PLCL1: variants seen among roughly 807,000 people sequenced by gnomAD.
PLCL1 encodes the protein inactive phospholipase C-like protein 1.
In PLCL1, 41 loss-of-function variants were observed where a neutral mutation model predicts 84.4. That is an observed-to-expected ratio of 0.49 (90% CI 0.38 to 0.63). The LOEUF (loss-of-function observed/expected upper bound fraction) is 0.63, where lower values mean the gene tolerates loss of function less well. Ranked by LOEUF, PLCL1 falls within the 30% of genes least tolerant of loss-of-function variation. The pLI, the probability that PLCL1 is intolerant of heterozygous loss-of-function variation, is 0.00. For missense variants in PLCL1, 1,206 were observed against 1,367.8 expected, an observed-to-expected ratio of 0.88 and a Z score of 1.87; for synonymous variants, 490 against 488.3, an observed-to-expected ratio of 1.00 and a Z score of -0.05.
At chr2:198,107,627 A>T (rs1163790713) in intron 5 of PLCL1, among the ~76,000 whole-genome samples, 7 of 151,802 alleles carry the variant, frequency 4.6e-5, no homozygotes, top group Non-Finnish European at 1.0e-4. Context: ...TGTTATTTTT[A>T]TTTCTTTGTT....
chr2:198,044,520 G>A (rs1389496411), intron 1 of PLCL1, among the ~76,000 whole-genome samples: 3 of 152,126 alleles, frequency 2.0e-5, no homozygotes, highest in Non-Finnish European at 4.4e-5. Flanking sequence ...ATTTCTGTAG[G>A]TTGGGACAAA....
intron 1 of PLCL1, among the ~76,000 whole-genome samples, chr2:197,908,547 G>C (rs1022304834): frequency 6.6e-6 from 1 of 152,176 alleles, no homozygotes; most frequent in African/African-American, 2.4e-5. Context: ...TTACTCTCAA[G>C]TGTTCTCTTC....
At chr2:197,818,799 G>A (rs1690744578) in intron 1 of PLCL1, among the ~76,000 whole-genome samples, 1 of 152,000 alleles carries the variant, frequency 6.6e-6, no homozygotes, top group African/African-American at 2.4e-5. Flanking sequence ...CTGAGTTACT[G>A]GACCATCAGA....
rs534146679 is a variant in PLCL1, at chr2:198,082,430, C to T, written c.241-1328C>T. 2.2e-4 allele frequency among the ~76,000 whole-genome samples: 33 copies of T among 151,540 alleles called. No homozygotes were observed. In the South Asian group the frequency reaches 2.9e-3, roughly 13 times the overall value. On this transcript the variant is annotated intron_variant, in intron 1 of 5. Coordinates refer to ENST00000428675, the MANE Select transcript of PLCL1 (RefSeq NM_006226.4). ...CTGCACTCCAGCCTGGGCAACAGAG[C>T]GAGATTCTGTCAAAAAAAAAAAAGT...
intron 1 of PLCL1, among the ~76,000 whole-genome samples, chr2:198,025,619 A>AT (rs759230706): frequency 6.6e-6 from 1 of 152,122 alleles, no homozygotes; most frequent in Non-Finnish European, 1.5e-5. Context: ...ACAGAAATCA[A>AT]TTTTTTGTGT....
At chr2:197,819,018 G>T (rs763010083) in intron 1 of PLCL1, among the ~76,000 whole-genome samples, 2 of 152,096 alleles carry the variant, frequency 1.3e-5, no homozygotes, top group Non-Finnish European at 2.9e-5. Context: ...GGGAAGAAGG[G>T]CACTATAGGG....
At position 197,955,617 on chromosome 2, in the gene PLCL1, T is replaced by G. The variant is rs151247371; in HGVS notation, c.241-128141T>G. 1.6e-3 allele frequency among the ~76,000 whole-genome samples: 243 copies of G among 151,774 alleles called. 2 individuals carry two copies. The highest frequency in any genetic ancestry group is 5.8e-3 in the African/African-American group (242 of 41,386). On this transcript the variant is annotated intron_variant, in intron 1 of 5. Coordinates refer to ENST00000428675, the MANE Select transcript of PLCL1 (RefSeq NM_006226.4). ...AGTGTTCTCATTATTTAACTCCCAC[T>G]TATGAGTGAGAACATGCAGTGTTTG...
intron 1 of PLCL1, among the ~76,000 whole-genome samples, chr2:198,017,765 C>A (rs1691032772): frequency 6.6e-6 from 1 of 152,060 alleles, no homozygotes; most frequent in Admixed American, 6.5e-5. Flanking sequence ...AATTTTAACT[C>A]AAAAAATATT....
chr2:198,101,201 T>C (rs915062901), intron 3 of PLCL1, 84 bp from the exon 4 acceptor site: 2 of 786,194 alleles, frequency 2.5e-6, no homozygotes, highest in East Asian at 4.9e-5. Flanking sequence ...GGAGGTATCA[T>C]GTGGGTCTCT....
chr2:198,111,951 A>T (rs1693634352), intron 5 of PLCL1, among the ~76,000 whole-genome samples: 1 of 151,932 alleles, frequency 6.6e-6, no homozygotes, highest in Non-Finnish European at 1.5e-5. Flanking sequence ...CCTTGACAGA[A>T]TATGCCTACT....
At position 198,022,600 on chromosome 2, in the gene PLCL1, A is replaced by T. The variant is rs546291977; in HGVS notation, c.241-61158A>T. Among the ~76,000 whole-genome samples, 4 of 152,310 alleles carry T rather than the reference A, an allele frequency of 2.6e-5. No homozygotes were observed. The East Asian group carries it at 7.7e-4, about 29-fold the overall frequency. ...AAAATCACAAGCATTCCTACACACC[A>T]ATAACAGACAAACAGAGGGACAAAT... On this transcript the variant is annotated intron_variant, in intron 1 of 5. Transcript: ENST00000428675.
At chr2:197,981,221 A>G (rs1056149343) in intron 1 of PLCL1, among the ~76,000 whole-genome samples, 3 of 152,326 alleles carry the variant, frequency 2.0e-5, no homozygotes, top group Admixed American at 2.0e-4. Context: ...GTACATTAAG[A>G]CACACATGTA....
chr2:198,118,343 G>A (rs773588591), intron 5 of PLCL1, among the ~76,000 whole-genome samples: 1 of 151,876 alleles, frequency 6.6e-6, no homozygotes, highest in Non-Finnish European at 1.5e-5. Flanking sequence ...GCATAATTTT[G>A]TTCTAGAGAT....
chr2:198,013,660 A>G (rs1003807081), intron 1 of PLCL1, among the ~76,000 whole-genome samples: 2 of 152,144 alleles, frequency 1.3e-5, no homozygotes, highest in Non-Finnish European at 2.9e-5. Context: ...TGGCGATTAG[A>G]CCAATTATAG....
intron 1 of PLCL1, among the ~76,000 whole-genome samples, chr2:197,853,294 C>A (rs571969783): frequency 3.3e-5 from 5 of 152,238 alleles, no homozygotes; most frequent in Admixed American, 2.6e-4. Flanking sequence ...TTGCTTCCAC[C>A]TTTTAGCTAT....
chr2:198,139,947 T>C (rs555278702), intron 5 of PLCL1, among the ~76,000 whole-genome samples: 13 of 151,880 alleles, frequency 8.6e-5, no homozygotes, highest in South Asian at 2.1e-4. Flanking sequence ...TTTTTTTTTT[T>C]CCCCGAGATG....
intron 1 of PLCL1, among the ~76,000 whole-genome samples, chr2:197,852,427 C>G (rs544889782): frequency 6.6e-6 from 1 of 152,294 alleles, no homozygotes; most frequent in South Asian, 2.1e-4. Flanking sequence ...AATCTCTATG[C>G]TTGGAATGGC....
intron 1 of PLCL1, among the ~76,000 whole-genome samples, chr2:197,996,388 T>C (rs923335557): frequency 4.6e-5 from 7 of 152,138 alleles, no homozygotes; most frequent in African/African-American, 1.4e-4. Context: ...TATATAGTTG[T>C]CAAAAGTCAT....
intron 5 of PLCL1, among the ~76,000 whole-genome samples, chr2:198,118,510 G>A (rs374653644): frequency 6.6e-6 from 1 of 151,978 alleles, no homozygotes; most frequent in Non-Finnish European, 1.5e-5. Flanking sequence ...TTTTCATAGA[G>A]ATCTCTGAAC....
Sources: allele counts gnomAD v4.1 joint callset (sites outside exome capture counted in the v4.1 genomes callset), GRCh38; gene constraint gnomAD v4.1.1; transcripts MANE v1.5; gene names NCBI Gene and HGNC (gene_info 2026-07-23, HGNC 2026-07-21).